Variants in CAMKMT observed in about 807,000 individuals in gnomAD.
CAMKMT encodes the protein calmodulin-lysine N-methyltransferase, also known as CaM KMT.
A neutral mutation model predicts 48.0 loss-of-function variants in CAMKMT; 53 were observed. That is an observed-to-expected ratio of 1.10 (90% confidence interval 0.89 to 1.39). The LOEUF is 1.39. Among genes scored for constraint, CAMKMT ranks in the 40% most tolerant of loss-of-function variants. CAMKMT has a pLI of 0.00. For synonymous variants in CAMKMT, 165 were observed against 152.3 expected (o/e 1.08, Z -0.61); for missense variants, 428 against 402.7 (o/e 1.06, Z -0.54).
chr2:44,733,659 C>A (rs1679201838), intron 7 of CAMKMT, among the ~76,000 whole-genome samples: 1 of 152,078 alleles, frequency 6.6e-6, no homozygotes, highest in South Asian at 2.1e-4. Flanking sequence ...AGACATTAAT[C>A]TTTGTCAGAA....
At chr2:44,705,966 T>C (rs1677532742) in intron 4 of CAMKMT, among the ~76,000 whole-genome samples, 1 of 152,148 alleles carries the variant, frequency 6.6e-6, no homozygotes, top group South Asian at 2.1e-4. Context: ...CTTTCGCTAC[T>C]CTAGCTAGTT....
chr2:44,612,365 G>T, intron 3 of CAMKMT, among the ~76,000 whole-genome samples: 1 of 152,148 alleles, frequency 6.6e-6, no homozygotes, highest in East Asian at 1.9e-4. Context: ...AATCAATAAA[G>T]ATAGCATCAC....
At chr2:44,620,671 T>C (rs777435843) in intron 3 of CAMKMT, among the ~76,000 whole-genome samples, 1 of 152,214 alleles carries the variant, frequency 6.6e-6, no homozygotes, top group Non-Finnish European at 1.5e-5. Context: ...GAAAGGACAA[T>C]AGTTGTGAGT....
In CAMKMT at chr2:44,614,956, T is replaced by TTTTTTG. The variant is rs1374926962; in HGVS notation, c.377-89323_377-89322insTGTTTT. On this transcript the variant is annotated intron_variant, in intron 3 of 10. Transcript: ENST00000378494. ...CCTTGCTTTTTTTTTTTTTTTTTTT[T>TTTTTTG]TTTTGAGACAGGGTCTTGCTCTGTT... 3.6e-5 allele frequency among the ~76,000 whole-genome samples: 5 copies of TTTTTTG among 139,608 alleles called. 1 individual carries two copies. Among genetic ancestry groups the TTTTTTG allele is most frequent in the Non-Finnish European group, 7.7e-5 (5 of 65,156 alleles). 91.6% of individuals were successfully genotyped at this position (139,608 alleles called of 152,430 possible).
At chr2:44,429,807 CA>C (rs1168195679) in intron 3 of CAMKMT, among the ~76,000 whole-genome samples, 4,463 of 64,522 alleles carry the variant, frequency 0.069, 17 homozygotes, top group South Asian at 0.16. Context: ...GACTCCGTCT[CA>C]AAAAAAAAAA....
At chr2:44,474,107 T>G (rs1205757350) in intron 3 of CAMKMT, among the ~76,000 whole-genome samples, 1 of 152,162 alleles carries the variant, frequency 6.6e-6, no homozygotes, top group Non-Finnish European at 1.5e-5. Context: ...AACATCACAG[T>G]TCTTCTTTGG....
chr2:44,461,503 A>G (rs374806870), intron 3 of CAMKMT, among the ~76,000 whole-genome samples: 4 of 152,170 alleles, frequency 2.6e-5, no homozygotes, highest in South Asian at 2.1e-4. Context: ...CTGTTACTCT[A>G]TGGCAACCTG....
At chr2:44,561,949 A>C (rs1430753424) in intron 3 of CAMKMT, among the ~76,000 whole-genome samples, 1 of 152,176 alleles carries the variant, frequency 6.6e-6, no homozygotes, top group Admixed American at 6.5e-5. Context: ...TGGAGAATAT[A>C]AGAGGGAGAA....
intron 3 of CAMKMT, 49 bp downstream of exon 3, chr2:44,390,354 T>C: frequency 1.5e-6 from 2 of 1,343,874 alleles, no homozygotes; most frequent in Non-Finnish European, 2.1e-6. Context: ...TTTTACAAAG[T>C]GAATTTATAG....
At chr2:44,708,624 G>A (rs1265665760) in intron 6 of CAMKMT, among the ~76,000 whole-genome samples, 2 of 152,138 alleles carry the variant, frequency 1.3e-5, no homozygotes, top group Middle Eastern at 3.4e-3. Context: ...TTTTAATCAC[G>A]TTCTTGAGAC....
intron 3 of CAMKMT, among the ~76,000 whole-genome samples, chr2:44,633,942 T>A (rs1461110919): frequency 2.0e-5 from 3 of 152,154 alleles, no homozygotes; most frequent in Non-Finnish European, 4.4e-5. Context: ...TTTTTGGGGT[T>A]TTTTTAAGCT....
chr2:44,365,730 T>C (rs1678523182), intron 1 of CAMKMT, among the ~76,000 whole-genome samples: 2 of 152,074 alleles, frequency 1.3e-5, no homozygotes, highest in Admixed American at 1.3e-4. Flanking sequence ...TAGAATTACA[T>C]AGAGTGAGAG....
At position 44,618,511 on chromosome 2, in the gene CAMKMT, T is replaced by G. The variant is rs1672014356; in HGVS notation, c.377-85772T>G. On this transcript the variant is annotated intron_variant, in intron 3 of 10. Coordinates refer to ENST00000378494, the MANE Select transcript of CAMKMT (RefSeq NM_024766.5). This position sits in a 1 kb window ranked among gnomAD's most constrained non-coding sequence, Gnocchi z 4.0. ...TTTTCAGACTGCGATGAGATGACATTGATGATGACACGTTGAGCATTGGTT... is the reference window on the plus strand; with the variant it reads ...TTTTCAGACTGCGATGAGATGACATGGATGATGACACGTTGAGCATTGGTT... Among the ~76,000 whole-genome samples, 1 of 152,206 alleles carries G rather than the reference T, an allele frequency of 6.6e-6. No homozygotes were observed. Among genetic ancestry groups the G allele is most frequent in the African/African-American group, 2.4e-5 (1 of 41,444 alleles).
intron 2 of CAMKMT, among the ~76,000 whole-genome samples, chr2:44,377,436 C>G (rs771591366): frequency 3.9e-5 from 6 of 152,166 alleles, no homozygotes; most frequent in Non-Finnish European, 5.9e-5. Flanking sequence ...TTTTCCCTAT[C>G]TCATAAACTA....
intron 3 of CAMKMT, among the ~76,000 whole-genome samples, chr2:44,663,439 A>G (rs1674788167): frequency 6.6e-6 from 1 of 152,226 alleles, no homozygotes; most frequent in Admixed American, 6.5e-5. Context: ...CAGTCTGTTC[A>G]TCTTTGAGCT....
chr2:44,460,716 CTTTTTTTTTT>C (rs1202949999), intron 3 of CAMKMT, among the ~76,000 whole-genome samples: 8 of 103,242 alleles, frequency 7.7e-5, no homozygotes, highest in Middle Eastern at 5.3e-3. Context: ...GTGATAGATT[CTTTTTTTTTT>C]TTTTTTTTTT....
chr2:44,609,716 C>G (rs1038948162), intron 3 of CAMKMT, among the ~76,000 whole-genome samples: 1 of 152,156 alleles, frequency 6.6e-6, no homozygotes, highest in African/African-American at 2.4e-5. Context: ...CTCTTCATAA[C>G]TGTTCTAATT....
intron 3 of CAMKMT, among the ~76,000 whole-genome samples, chr2:44,510,033 C>T (rs1359481979): frequency 2.6e-5 from 4 of 152,170 alleles, no homozygotes; most frequent in Non-Finnish European, 5.9e-5. Context: ...CCCCTGGCTT[C>T]CCTGAATGTT....
chr2:44,646,588 A>G (rs1229573146), intron 3 of CAMKMT, among the ~76,000 whole-genome samples: 1 of 152,182 alleles, frequency 6.6e-6, no homozygotes, highest in Non-Finnish European at 1.5e-5. Context: ...TGTGCACTTT[A>G]TACTAAGGTG....
Sources: gnomAD v4.1 joint callset for allele counts (sites outside exome capture counted in the v4.1 genomes callset) on GRCh38, gnomAD v4.1.1 for gene constraint, Gnocchi (gnomAD v3.1) non-coding constraint, MANE v1.5 for transcripts, NCBI Gene and HGNC (gene_info 2026-07-23, HGNC 2026-07-21) for gene names.